C17orf75: variants seen among roughly 807,000 people sequenced by gnomAD.
C17orf75 encodes chromosome 17 open reading frame 75.
Under a neutral mutation model 49.6 loss-of-function variants are expected in C17orf75, and 32 were observed. The observed-to-expected ratio is 0.65, with a 90% confidence interval of 0.49 to 0.87. The LOEUF (loss-of-function observed/expected upper bound fraction) is 0.87. Ranked by LOEUF, C17orf75 falls within the 40% of genes least tolerant of loss-of-function variation. C17orf75 has a pLI of 0.00. For synonymous variants in C17orf75, 158 were observed against 159.5 expected (o/e 0.99, Z 0.07); for missense variants, 428 against 473.9 (o/e 0.90, Z 0.90).
At chr17:32,349,575 G>C (rs998465972) in intron 1 of C17orf75, among the ~76,000 whole-genome samples, 2 of 152,000 alleles carry the variant, frequency 1.3e-5, no homozygotes, top group Non-Finnish European at 1.5e-5. Flanking sequence ...AGCGAGACTT[G>C]GTCTCAGAAA....
chr17:32,331,746 TATCTC>T lies in C17orf75; in HGVS notation c.*12_*16del. ...TAAATATACAACTTGATCATACAAT[TATCTC>T]AAAACATATGATCAAAAACTTTGGT... On this transcript the variant is annotated 3_prime_UTR_variant, in exon 10 of 10. Coordinates refer to ENST00000577809, the MANE Select transcript of C17orf75 (RefSeq NM_022344.4). The T allele has an allele frequency of 6.4e-7, 1 of 1,574,482 alleles. No individual in the cohort carries two copies. Among genetic ancestry groups the T allele is most frequent in the South Asian group, 1.1e-5 (1 of 90,206 alleles).
intron 8 of C17orf75, among the ~76,000 whole-genome samples, chr17:32,333,761 G>A (rs934157973): frequency 8.5e-5 from 13 of 152,106 alleles, no homozygotes; most frequent in Admixed American, 4.6e-4. Flanking sequence ...GAGCCACTGC[G>A]CCTGACCCAT....
rs757482204 is a variant in C17orf75 at position 32,334,788 on chromosome 17, T to C, written c.721A>G (p.Arg241Gly). ...ACTGTTCTTTACCTGTTAATGTCTCTCTTTGTTTTTTCATCTGATTCTTTA... is the reference window on the plus strand; with the variant it reads ...ACTGTTCTTTACCTGTTAATGTCTCCCTTTGTTTTTTCATCTGATTCTTTA... ...EVKESDEKTK[R>G]DINRFLSVAS... The change falls in exon 7 of 10, where the codon AGA becomes GGA. Residue 241 changes from arginine to glycine, a missense_variant. Physicochemically the swap from Arg to Gly is moderately radical, Grantham distance 125. Transcript: ENST00000577809. 4.4e-6 allele frequency: 7 copies of C among 1,605,886 alleles called. No homozygotes were observed. Among genetic ancestry groups the C allele is most frequent in the African/African-American group, 2.7e-5 (2 of 74,792 alleles).
At chr17:32,343,617 A>C (rs1017937756), upstream of C17orf75, 3 of 468,222 alleles carry the variant, frequency 6.4e-6, no homozygotes, top group Non-Finnish European at 1.1e-5. Flanking sequence ...TACTCATTTG[A>C]TGAACAAGTG....
chr17:32,335,181 TAA>T, intron 6 of C17orf75, 140 bp downstream of exon 6: 1 of 1,020,382 alleles, frequency 9.8e-7, no homozygotes, highest in Non-Finnish European at 1.4e-6. Flanking sequence ...TCTGAGAAAA[TAA>T]AGTGTGGTCT....
upstream of C17orf75, among the ~76,000 whole-genome samples, chr17:32,345,398 C>T (rs11651922): frequency 0.37 from 55,883 of 151,700 alleles, 11,323 homozygotes; most frequent in Non-Finnish European, 0.45. Context: ...ATCACTTGAA[C>T]CTGGGAGGCA....
At position 32,339,907 on chromosome 17, in the gene C17orf75, C is replaced by T. The variant is rs576304862; in HGVS notation, c.253G>A (p.Glu85Lys). The change falls in exon 3 of 10, where the codon GAA becomes AAA. Residue 85 changes from glutamate to lysine, a missense_variant. Physicochemically the swap from Glu to Lys is moderately conservative, Grantham distance 56. Coordinates refer to ENST00000577809, the MANE Select transcript of C17orf75 (RefSeq NM_022344.4). ...AAACTGCGCAGCTCTGGCTCCACTT[C>T]GGATGGTAGATTAGTATCTGCCAAG... is the stretch of plus-strand genomic sequence containing the variant. The part of the protein sequence containing the change: ...LSLADTNLPS[E>K]VEPELRSFIA... 1.5e-5 allele frequency: 25 copies of T among 1,614,002 alleles called. No individual in the cohort carries two copies. The highest frequency in any genetic ancestry group is 1.9e-5 in the Non-Finnish European group (23 of 1,179,878).
intron 5 of C17orf75, 143 bp from the exon 6 acceptor site, chr17:32,335,585 A>G (rs2041316919): frequency 3.9e-6 from 4 of 1,026,534 alleles, no homozygotes; most frequent in Non-Finnish European, 5.5e-6. Context: ...ATTCAAAAAA[A>G]GAAATTGTGA....
At position 32,342,155 on chromosome 17, in the gene C17orf75, G is replaced by A. The variant is rs1056267949; in HGVS notation, c.-16C>T. ...AGGGGAGCATTGCGGCGGCCTCTGA[G>A]CGGCCCTGTGTCTCCGCCAAACCGC... is the stretch of plus-strand genomic sequence containing the variant. On this transcript the variant is annotated 5_prime_UTR_variant, in exon 1 of 10. Coordinates refer to ENST00000577809, the MANE Select transcript of C17orf75 (RefSeq NM_022344.4). The A allele has an allele frequency of 9.5e-6, 15 of 1,580,474 alleles. No individual in the cohort carries two copies. The African/African-American group carries it at 1.1e-4, about 11-fold the overall frequency.
intron 9 of C17orf75, 57 bp downstream of exon 9, chr17:32,333,360 T>C (rs1051168446): frequency 4.1e-6 from 5 of 1,218,956 alleles, no homozygotes; most frequent in Non-Finnish European, 6.0e-6. Context: ...TCACTGGTAC[T>C]AATTAAAATT....
chr17:32,333,651 T>A (rs1324149293), intron 8 of C17orf75, 131 bp from the exon 9 acceptor site: 3 of 738,868 alleles, frequency 4.1e-6, no homozygotes, highest in Non-Finnish European at 6.5e-6. Flanking sequence ...ATATCGTTAG[T>A]AGAGATGGGG....
intron 1 of C17orf75, among the ~76,000 whole-genome samples, chr17:32,347,787 A>G (rs1567806802): frequency 6.6e-6 from 1 of 152,206 alleles, no homozygotes; most frequent in East Asian, 1.9e-4. Flanking sequence ...TAAAGGTCCC[A>G]ACTCTTAATG....
At chr17:32,334,192 G>T (rs1215130063) in intron 8 of C17orf75, among the ~76,000 whole-genome samples, 4 of 152,004 alleles carry the variant, frequency 2.6e-5, no homozygotes, top group Non-Finnish European at 4.4e-5. Context: ...CCAATTCCTT[G>T]CTTTTTCAAG....
intron 9 of C17orf75, 79 bp from the exon 10 acceptor site, chr17:32,332,057 G>A: frequency 8.7e-7 from 1 of 1,147,398 alleles, no homozygotes; most frequent in Non-Finnish European, 1.3e-6. Flanking sequence ...ATCCAGCTGA[G>A]AACTCAACAT....
intron 5 of C17orf75, among the ~76,000 whole-genome samples, chr17:32,337,176 G>A (rs906924091): frequency 2.6e-5 from 4 of 151,970 alleles, no homozygotes; most frequent in African/African-American, 4.8e-5. Context: ...GAAACCACCT[G>A]TAGGCTGGGC....
upstream of C17orf75, chr17:32,344,022 A>C (rs2041405542): frequency 1.5e-6 from 1 of 677,590 alleles, no homozygotes; most frequent in Non-Finnish European, 2.7e-6. Context: ...GCACAGAACC[A>C]AAACTGGGTG....
upstream of C17orf75, chr17:32,342,382 T>C (rs1281303493): frequency 2.1e-6 from 1 of 470,480 alleles, no homozygotes; most frequent in African/African-American, 2.0e-5. Context: ...TATTTTCCTT[T>C]GAGACATCTG....
chr17:32,346,513 A>G (rs988121395), upstream of C17orf75, among the ~76,000 whole-genome samples: 1 of 152,282 alleles, frequency 6.6e-6, no homozygotes, highest in East Asian at 1.9e-4. Context: ...CAGCCTCCCA[A>G]GGTACTGGGA....
chr17:32,334,298 ATTTCC>A (rs2041304274), intron 8 of C17orf75, among the ~76,000 whole-genome samples, 166 bp downstream of exon 8: 2 of 152,172 alleles, frequency 1.3e-5, no homozygotes, highest in South Asian at 4.1e-4. Flanking sequence ...GCATGGCATG[ATTTCC>A]ATGTTTCTAG....
Sources: gnomAD v4.1 joint callset for allele counts (sites outside exome capture counted in the v4.1 genomes callset) on GRCh38, gnomAD v4.1.1 for gene constraint, MANE v1.5 for transcripts, NCBI Gene and HGNC (gene_info 2026-07-23, HGNC 2026-07-21) for gene names.